PDE10A: variants seen among roughly 807,000 people sequenced by gnomAD.
The protein encoded by PDE10A is phosphodiesterase 10A.
A neutral mutation model predicts 97.7 loss-of-function variants in PDE10A; 39 were observed. The ratio of observed to expected loss-of-function variants is 0.40; its 90% CI spans 0.31 to 0.52. The LOEUF (loss-of-function observed/expected upper bound fraction) is 0.52. PDE10A is among the 20% of genes least tolerant of loss of function. The probability of loss-of-function intolerance (pLI) is 0.56; values close to 1 mark genes in which losing one functional copy is unlikely to be tolerated. For missense variants in PDE10A, 731 were observed against 1,047.8 expected, an observed-to-expected ratio of 0.70 and a Z score of 4.17; for synonymous variants, 371 against 376.8, an observed-to-expected ratio of 0.98 and a Z score of 0.18.
rs531044991 is a variant in PDE10A at position 165,549,747 on chromosome 6, TA to T, written c.866-6180del. Among the ~76,000 whole-genome samples the T allele has an allele frequency of 4.7e-3, 709 of 152,344 alleles. 5 individuals carry two copies. The highest frequency in any genetic ancestry group is 0.016 in the African/African-American group (683 of 41,588). The stretch of plus-strand genomic sequence containing the variant: ...GTGTCTTTATGACAATATATTATCC[TA>T]ATAAGCCAAAGCCTTTATTATTTCT... On this transcript the variant is annotated intron_variant, in intron 1 of 21. Coordinates refer to ENST00000539869, the MANE Select transcript of PDE10A (RefSeq NM_001385079.1).
At chr6:165,641,934 C>G (rs1463918153) in intron 1 of PDE10A, among the ~76,000 whole-genome samples, 1 of 152,240 alleles carries the variant, frequency 6.6e-6, no homozygotes, top group Non-Finnish European at 1.5e-5. Flanking sequence ...CTCTGTCCTG[C>G]AGGCCACCAG....
intron 1 of PDE10A, among the ~76,000 whole-genome samples, chr6:165,927,571 A>T (rs1195036636): frequency 1.4e-5 from 2 of 146,366 alleles, no homozygotes; most frequent in African/African-American, 5.1e-5. Context: ...GGATTGGGAA[A>T]GTCTTGTATT....
chr6:165,700,775 G>C (rs192715874), intron 1 of PDE10A, among the ~76,000 whole-genome samples: 1 of 152,122 alleles, frequency 6.6e-6, no homozygotes, highest in Admixed American at 6.5e-5. Context: ...ATCACTAGGC[G>C]GTCCTCCAGA....
intron 1 of PDE10A, among the ~76,000 whole-genome samples, chr6:165,708,971 A>C (rs547642307): frequency 5.8e-3 from 2 of 342 alleles, no homozygotes; most frequent in Non-Finnish European, 8.0e-3. Context: ...TGCCACGCTC[A>C]CCCCCCACTC....
intron 2 of PDE10A, among the ~76,000 whole-genome samples, chr6:165,540,170 T>C (rs760453205): frequency 6.6e-6 from 1 of 152,302 alleles, no homozygotes; most frequent in East Asian, 1.9e-4. Context: ...ATTGATCTCA[T>C]AGCGAGCGTC....
chr6:165,420,964 CAGA>C (rs1470466912), intron 10 of PDE10A, among the ~76,000 whole-genome samples: 1 of 151,990 alleles, frequency 6.6e-6, no homozygotes, highest in African/African-American at 2.4e-5. Flanking sequence ...ACTTTTGAAA[CAGA>C]AGAAAAGTTA....
intron 10 of PDE10A, among the ~76,000 whole-genome samples, chr6:165,426,754 A>C (rs1246551059): frequency 6.6e-6 from 1 of 152,156 alleles, no homozygotes; most frequent in Non-Finnish European, 1.5e-5. Context: ...GAATATATGA[A>C]GAACTCTTAA....
intron 1 of PDE10A, among the ~76,000 whole-genome samples, chr6:165,871,956 A>G (rs1036870076): frequency 6.6e-6 from 1 of 152,242 alleles, no homozygotes; most frequent in Non-Finnish European, 1.5e-5. Flanking sequence ...GAAGCTTTTC[A>G]CTGGAGACCA....
intron 1 of PDE10A, among the ~76,000 whole-genome samples, chr6:165,584,753 A>G (rs543472942): frequency 1.3e-5 from 2 of 152,290 alleles, no homozygotes; most frequent in South Asian, 2.1e-4. Context: ...ACTGAAGTCA[A>G]TGGAAAACCA....
At chr6:165,511,234 T>C (rs1327670500) in intron 2 of PDE10A, among the ~76,000 whole-genome samples, 2 of 152,006 alleles carry the variant, frequency 1.3e-5, no homozygotes, top group Non-Finnish European at 2.9e-5. Context: ...TCCGTTTTCA[T>C]TTGTTTCAAT....
intron 2 of PDE10A, among the ~76,000 whole-genome samples, chr6:165,542,612 CTTTTTT>C (rs545149187): frequency 0.015 from 1,117 of 76,404 alleles, 18 homozygotes; most frequent in African/African-American, 0.048. Flanking sequence ...TGTCCTTGTT[CTTTTTT>C]TTTTTTTTTT....
At chr6:165,606,719 C>T (rs1308690269) in intron 1 of PDE10A, among the ~76,000 whole-genome samples, 1 of 152,004 alleles carries the variant, frequency 6.6e-6, no homozygotes, top group Non-Finnish European at 1.5e-5. Context: ...AGGGTAGGCA[C>T]AAAAATTGTA....
intron 18 of PDE10A, among the ~76,000 whole-genome samples, chr6:165,360,329 T>C (rs1262327464): frequency 6.6e-6 from 1 of 152,188 alleles, no homozygotes; most frequent in Non-Finnish European, 1.5e-5. Flanking sequence ...ATTCTTGGCA[T>C]CTCAGCACAA....
chr6:165,570,040 TGTGTTGAA>T (rs922180514), intron 1 of PDE10A, among the ~76,000 whole-genome samples: 1 of 152,140 alleles, frequency 6.6e-6, no homozygotes, highest in African/African-American at 2.4e-5. Context: ...CCAAAATTCA[TGTGTTGAA>T]GTCCTAACCC....
At chr6:165,840,073 TC>T (rs1780217101) in intron 1 of PDE10A, among the ~76,000 whole-genome samples, 3 of 360 alleles carry the variant, frequency 8.3e-3, no homozygotes, top group Non-Finnish European at 0.019. Context: ...TTCATCTCCA[TC>T]CCCACCTTCA....
At chr6:165,771,665 A>C (rs1778015019) in intron 1 of PDE10A, among the ~76,000 whole-genome samples, 1 of 151,708 alleles carries the variant, frequency 6.6e-6, no homozygotes, top group South Asian at 2.1e-4. Flanking sequence ...AAAAAAAAAA[A>C]AAAAAAAAAA....
Position 165,400,377 on chromosome 6 carries a change from G to A in PDE10A, c.2077-3918C>T, listed in dbSNP as rs79603695. Among the ~76,000 whole-genome samples the A allele has an allele frequency of 2.0e-5, 3 of 152,064 alleles. No homozygotes were observed. The South Asian group carries it at 6.2e-4, about 31-fold the overall frequency. On this transcript the variant is annotated intron_variant, in intron 13 of 21. Transcript: ENST00000539869. ...AGTTTAAAACTTTTGCTCTTAGAAA[G>A]AAACCATTAAGAGAATGAAAAGACA...
At chr6:165,667,612 C>G (rs961979728), upstream of PDE10A, among the ~76,000 whole-genome samples, 6 of 148,886 alleles carry the variant, frequency 4.0e-5, no homozygotes, top group Non-Finnish European at 7.4e-5. Flanking sequence ...AGAATCCATT[C>G]TATCTGAGAA....
At chr6:165,621,772 A>AGG (rs576451682) in intron 1 of PDE10A, among the ~76,000 whole-genome samples, 15,696 of 112,620 alleles carry the variant, frequency 0.14, 908 homozygotes, top group Non-Finnish European at 0.16. Flanking sequence ...AGAAAAAAAA[A>AGG]AGAAGAAGAA....
Sources: gnomAD v4.1 joint callset for allele counts (sites outside exome capture counted in the v4.1 genomes callset) on GRCh38, gnomAD v4.1.1 for gene constraint, MANE v1.5 for transcripts, NCBI Gene and HGNC (gene_info 2026-07-23, HGNC 2026-07-21) for gene names.